NUBP2: variants seen among roughly 807,000 people sequenced by gnomAD.
NUBP2 encodes the protein cytosolic Fe-S cluster assembly factor NUBP2.
A neutral mutation model predicts 24.9 loss-of-function variants in NUBP2; 23 were observed. The observed-to-expected ratio is 0.92, with a 90% CI of 0.66 to 1.31. NUBP2 has a LOEUF of 1.31. Among genes scored for constraint, NUBP2 ranks in the 50% most tolerant of loss-of-function variants. NUBP2 has a pLI of 0.00. For missense variants in NUBP2, 403 were observed against 386.5 expected, an observed-to-expected ratio of 1.04 and a Z score of -0.36; for synonymous variants, 186 against 170.9, an observed-to-expected ratio of 1.09 and a Z score of -0.69.
Position 1,786,086 on chromosome 16 carries a change from G to T in NUBP2, c.17-451G>T, listed in dbSNP as rs1896952462. Reference sequence around the variant, plus strand: ...CGCTGGTGTGTGACAACGCGTGGTTGTTGCCACCCACCCTGGGCCCTCTGC... The same window carrying T: ...CGCTGGTGTGTGACAACGCGTGGTTTTTGCCACCCACCCTGGGCCCTCTGC... On this transcript the variant is annotated intron_variant, in intron 1 of 6. Transcript: ENST00000262302. 5.6e-6 allele frequency: 5 copies of T among 887,850 alleles called. No individual in the cohort carries two copies. The South Asian group carries it at 7.3e-5, about 13-fold the overall frequency. 55.0% of individuals were successfully genotyped at this position (887,850 alleles called of 1,614,324 possible).
chr16:1,788,673 G>T lies in NUBP2; in HGVS notation c.775G>T (p.Ala259Ser). The T allele has an allele frequency of 1.2e-6, 2 of 1,612,424 alleles. No homozygotes were observed. Among genetic ancestry groups the T allele is most frequent in the South Asian group, 2.2e-5 (2 of 91,040 alleles). ...CGCCTTCGCTGCACTCACCTCCATA[G>T]CCCAGAAGATTCTGGACGCGACGCC... Reference protein sequence around the residue: ...SPAFAALTSIAQKILDATPAC... With the variant: ...SPAFAALTSISQKILDATPAC... Residue 259 changes from alanine to serine, a missense_variant, in exon 7 of 7, where the codon GCC (alanine) becomes TCC (serine). Coordinates refer to ENST00000262302, the MANE Select transcript of NUBP2 (RefSeq NM_012225.4).
In NUBP2 at chr16:1,787,843, G is replaced by A; in HGVS notation, c.489+12G>A. ...TCACCACGCCCCAGGTAGCGCTGCGGCACCTTCCCGAGTCCCTGTGGGTGG... is the reference window on the plus strand; with the variant it reads ...TCACCACGCCCCAGGTAGCGCTGCGACACCTTCCCGAGTCCCTGTGGGTGG... On this transcript the variant is annotated intron_variant, in intron 4 of 6. Coordinates refer to ENST00000262302, the MANE Select transcript of NUBP2 (RefSeq NM_012225.4). The A allele has an allele frequency of 6.2e-7, 1 of 1,606,972 alleles. No individual in the cohort carries two copies. The highest frequency in any genetic ancestry group is 8.5e-7 in the Non-Finnish European group (1 of 1,177,330).
rs558940533 is a variant in NUBP2, at chr16:1,787,278, A to T, written c.334+323A>T. ...TGGTGCCTCTGGAGCAGGTGGCATT[A>T]GACGCCCCCAAAGGCAGGGAGAGGC... On this transcript the variant is annotated intron_variant, in intron 3 of 6. Coordinates refer to ENST00000262302, the MANE Select transcript of NUBP2 (RefSeq NM_012225.4). 9.8e-5 allele frequency: 40 copies of T among 407,048 alleles called. No individual in the cohort carries two copies. The South Asian group carries it at 1.8e-3, about 18-fold the overall frequency. 25.2% of individuals were successfully genotyped at this position (407,048 alleles called of 1,614,324 possible). A position where few individuals can be genotyped will look rare whatever the true frequency, so the allele number is the denominator to read the frequency against.
At position 1,788,613 on chromosome 16, in the gene NUBP2, G is replaced by A; in HGVS notation, c.715G>A (p.Gly239Ser). 6.2e-7 allele frequency: 1 copy of A among 1,610,420 alleles called. No homozygotes were observed. The highest frequency in any genetic ancestry group is 8.5e-7 in the Non-Finnish European group (1 of 1,179,308). Residue 239 changes from glycine (G) to serine (S), a missense_variant, in exon 7 of 7, where the codon GGC becomes AGC. By Grantham distance (56) the Gly-to-Ser change is moderately conservative. Coordinates refer to ENST00000262302, the MANE Select transcript of NUBP2 (RefSeq NM_012225.4). ...DPALMRTLEEGHDFIQEFPGS... is the reference protein window; with the variant it reads ...DPALMRTLEESHDFIQEFPGS... ...TGCGCTCATGAGGACCCTGGAGGAG[G>A]GCCACGACTTCATCCAGGAGTTCCC...
Position 1,788,976 on chromosome 16 carries a change from T to A in NUBP2, c.*262T>A. ...GGGCTCTCTTCCCATCCATGTTGCC[T>A]ACCTGTGCCCCTGGCAGCCGCGTGT... On this transcript the variant is annotated 3_prime_UTR_variant, in exon 7 of 7. Transcript: ENST00000262302. 1 of 464,228 alleles carries A rather than the reference T, an allele frequency of 2.2e-6. No homozygotes were observed. The highest frequency in any genetic ancestry group is 3.8e-6 in the Non-Finnish European group (1 of 261,852). The allele number at this position is 464,228 out of a possible 1,614,324, so 28.8% of individuals were successfully genotyped here. A position where few individuals can be genotyped will look rare whatever the true frequency, so the allele number is the denominator to read the frequency against.
chr16:1,788,769 C>A lies in NUBP2; in HGVS notation c.*55C>A. On this transcript the variant is annotated 3_prime_UTR_variant, in exon 7 of 7. Coordinates refer to ENST00000262302, the MANE Select transcript of NUBP2 (RefSeq NM_012225.4). ...GCCACCAAGGGCTCTGCTCCAGCCT[C>A]TCAGAGAAACAGAGGCCTGGGCTCG... is the stretch of plus-strand genomic sequence containing the variant. 2 of 1,552,350 alleles carry A rather than the reference C, an allele frequency of 1.3e-6. No homozygotes were observed. The highest frequency in any genetic ancestry group is 1.7e-6 in the Non-Finnish European group (2 of 1,148,724).
rs555056794 is a variant in NUBP2, at chr16:1,784,053, G to A, written c.16+1017G>A. 1.0e-5 allele frequency: 10 copies of A among 983,638 alleles called. 1 individual carries two copies. In the East Asian group the frequency reaches 6.8e-4, roughly 67 times the overall value. The allele number at this position is 983,638 out of a possible 1,614,324, so 60.9% of individuals were successfully genotyped here. ...AAAAGCCTGTCCTTATTATCAGGAC[G>A]GATTTACTACAAAGTAAGGATATTA... On this transcript the variant is annotated intron_variant, in intron 1 of 6. Coordinates refer to ENST00000262302, the MANE Select transcript of NUBP2 (RefSeq NM_012225.4).
At chr16:1,787,332 G>A (rs1897023106) in intron 3 of NUBP2, 1 of 427,884 alleles carries the variant, frequency 2.3e-6, no homozygotes, top group Non-Finnish European at 4.2e-6. Flanking sequence ...GGCTGTGGGT[G>A]CACCAGTGGG....
chr16:1,788,253 C>A, intron 6 of NUBP2, 46 bp downstream of exon 6: 1 of 1,438,048 alleles, frequency 7.0e-7, no homozygotes, highest in Non-Finnish European at 9.1e-7. Flanking sequence ...CCCATTCCAT[C>A]TCTGCCCTGG....
Position 1,788,217 on chromosome 16 carries a change from C to T in NUBP2, c.670+10C>T. The T allele has an allele frequency of 6.8e-7, 1 of 1,470,710 alleles. No individual in the cohort carries two copies. The highest frequency in any genetic ancestry group is 9.0e-7 in the Non-Finnish European group (1 of 1,113,162). The allele number at this position is 1,470,710 out of a possible 1,614,324, so 91.1% of individuals were successfully genotyped here. On this transcript the variant is annotated intron_variant, in intron 6 of 6. Coordinates refer to ENST00000262302, the MANE Select transcript of NUBP2 (RefSeq NM_012225.4). ...GGGGTGCCCTTCTTAGGTGAGTGTC[C>T]CAAGCTGGTGCTGGGGTCGCGGCCT...
chr16:1,788,035 C>G lies in NUBP2; in HGVS notation c.584C>G (p.Thr195Ser). The G allele has an allele frequency of 1.3e-6, 2 of 1,595,684 alleles. No individual in the cohort carries two copies. The highest frequency in any genetic ancestry group is 1.1e-5 in the South Asian group (1 of 89,194). Residue 195 changes from threonine to serine, a missense_variant, in exon 5 of 7, where the codon ACC becomes AGC. Coordinates refer to ENST00000262302, the MANE Select transcript of NUBP2 (RefSeq NM_012225.4). ...ATCGTGGAGAATATGAGCGGCTTCA[C>G]CTGCCCACACTGCACGGTGAGTCCC... is the stretch of plus-strand genomic sequence containing the variant. Reference protein sequence around the residue: ...MGIVENMSGFTCPHCTECTSV... With the variant: ...MGIVENMSGFSCPHCTECTSV...
rs776391092 is a variant in NUBP2 at position 1,788,002 on chromosome 16, T to C, written c.551T>C (p.Val184Ala). The part of the protein sequence containing the change: ...LTFCRKTGLR[V>A]MGIVENMSGF... ...TTCTGTAGGAAGACGGGCTTGCGGG[T>C]GATGGGAATCGTGGAGAATATGAGC... Residue 184 changes from valine to alanine, a missense_variant, in exon 5 of 7, where the codon GTG becomes GCG. Physicochemically the swap from Val to Ala is moderately conservative, Grantham distance 64. Coordinates refer to ENST00000262302, the MANE Select transcript of NUBP2 (RefSeq NM_012225.4). 1.9e-6 allele frequency: 3 copies of C among 1,604,338 alleles called. No individual in the cohort carries two copies. The Admixed American group carries it at 5.3e-5, about 28-fold the overall frequency.
chr16:1,788,291 C>T lies in NUBP2; in HGVS notation c.670+84C>T, dbSNP rs913691035. On this transcript the variant is annotated intron_variant, in intron 6 of 6. Transcript: ENST00000262302. ...GGGTTTGACCTCCATGCCCCCAGTG[C>T]CCAAGGGAGAGGAGGGGACGGGAGC... 19 of 1,309,058 alleles carry T rather than the reference C, an allele frequency of 1.5e-5. No homozygotes were observed. The African/African-American group carries it at 2.4e-4, about 17-fold the overall frequency. 81.1% of individuals were successfully genotyped at this position (1,309,058 alleles called of 1,614,324 possible).
At position 1,788,843 on chromosome 16, in the gene NUBP2, T is replaced by C. The variant is rs993112041; in HGVS notation, c.*129T>C. 4.1e-6 allele frequency: 5 copies of C among 1,205,764 alleles called. No individual in the cohort carries two copies. Among genetic ancestry groups the C allele is most frequent in the Non-Finnish European group, 5.6e-6 (5 of 895,264 alleles). The allele number at this position is 1,205,764 out of a possible 1,614,324, so 74.7% of individuals were successfully genotyped here. On this transcript the variant is annotated 3_prime_UTR_variant, in exon 7 of 7. Transcript: ENST00000262302. ...GCCCAGGCAGCGTCAGCCGGAGAGC[T>C]TCTCCCCGACCAGCCCAGCCCCAGG... is the stretch of plus-strand genomic sequence containing the variant.
In NUBP2 at chr16:1,789,011, T is replaced by G; in HGVS notation, c.*297T>G. 4.9e-6 allele frequency: 2 copies of G among 405,310 alleles called. No homozygotes were observed. The highest frequency in any genetic ancestry group is 2.0e-5 in the African/African-American group (1 of 49,038). 25.1% of individuals were successfully genotyped at this position (405,310 alleles called of 1,614,324 possible). ...CCTGGCAGCCGCGTGTCCACACAGT[T>G]AGCGGAGCGCGGGACTTCTGCAGTC... is the stretch of plus-strand genomic sequence containing the variant. On this transcript the variant is annotated 3_prime_UTR_variant, in exon 7 of 7. Coordinates refer to ENST00000262302, the MANE Select transcript of NUBP2 (RefSeq NM_012225.4).
intron 1 of NUBP2, 60 bp from the exon 2 acceptor site, chr16:1,786,477 G>C (rs557049820): frequency 7.0e-7 from 1 of 1,421,800 alleles, no homozygotes; most frequent in Non-Finnish European, 9.7e-7. Flanking sequence ...GGGTGACCCC[G>C]CGTGTGTGGG....
rs1237213983 is a variant in NUBP2 at position 1,786,038 on chromosome 16, T to C, written c.17-499T>C. The stretch of plus-strand genomic sequence containing the variant: ...GCCGGCTCCCCTCACTTACCGCACA[T>C]TGCAGGGACCGAGAGCCGGGGACGC... On this transcript the variant is annotated intron_variant, in intron 1 of 6. Transcript: ENST00000262302. 1.4e-5 allele frequency: 16 copies of C among 1,161,212 alleles called. No homozygotes were observed. In the East Asian group the frequency reaches 8.4e-4, roughly 61 times the overall value. The allele number at this position is 1,161,212 out of a possible 1,614,324, so 71.9% of individuals were successfully genotyped here.
chr16:1,784,366 T>G (rs1322405243), intron 1 of NUBP2: 3 of 151,304 alleles, frequency 2.0e-5, no homozygotes, highest in African/African-American at 7.3e-5. Flanking sequence ...CTGGGATTAC[T>G]GGCGTGAGTC....
chr16:1,785,644 T>G, intron 1 of NUBP2: 1 of 1,288,248 alleles, frequency 7.8e-7, no homozygotes, highest in South Asian at 1.2e-5. Flanking sequence ...TGCAGGAGTG[T>G]GGGGCTGGGG....
Sources: allele counts gnomAD v4.1 joint callset, GRCh38; gene constraint gnomAD v4.1.1; transcripts MANE v1.5; gene names NCBI Gene and HGNC (gene_info 2026-07-23, HGNC 2026-07-21).